Variants in CDH10 observed in about 807,000 individuals in gnomAD.
CDH10 encodes the protein cadherin 10.
In CDH10, 30 loss-of-function variants were observed where a neutral mutation model predicts 73.1. The observed-to-expected ratio is 0.41, with a 90% CI of 0.31 to 0.56. The LOEUF is 0.56. Ranked by LOEUF, CDH10 falls within the 20% of genes least tolerant of loss-of-function variation. The pLI, the probability that CDH10 is intolerant of heterozygous loss-of-function variation, is 0.27. For missense variants in CDH10, 815 were observed against 973.7 expected, an observed-to-expected ratio of 0.84 and a Z score of 2.17; for synonymous variants, 345 against 348.2, an observed-to-expected ratio of 0.99 and a Z score of 0.10.
rs1745797181 is a variant in CDH10 at position 24,581,489 on chromosome 5, T to C, written c.231+11771A>G. 2.6e-5 allele frequency among the ~76,000 whole-genome samples: 4 copies of C among 152,320 alleles called. No individual in the cohort carries two copies. The South Asian group carries it at 8.3e-4, about 32-fold the overall frequency. On this transcript the variant is annotated intron_variant, in intron 2 of 11. Coordinates refer to ENST00000264463, the MANE Select transcript of CDH10 (RefSeq NM_006727.5). Reference sequence around the variant, plus strand: ...TTGTAACAACTATAAGAATAATATGTCTCACATTTATTTTGAATTTCCTGT... The same window carrying C: ...TTGTAACAACTATAAGAATAATATGCCTCACATTTATTTTGAATTTCCTGT...
At chr5:24,531,113 A>G (rs1446266046) in intron 5 of CDH10, among the ~76,000 whole-genome samples, 1 of 151,754 alleles carries the variant, frequency 6.6e-6, no homozygotes, top group Non-Finnish European at 1.5e-5. Flanking sequence ...TGCTTAGTGG[A>G]TTTCTCCCTC....
At chr5:24,509,863 G>C (rs2111755622) in intron 6 of CDH10, 44 bp from the exon 7 acceptor site, 1 of 1,491,642 alleles carries the variant, frequency 6.7e-7, no homozygotes, top group Non-Finnish European at 9.2e-7. Flanking sequence ...AGGGAAATTG[G>C]ATGATATGCT....
chr5:24,492,964 T>C (rs762523979), intron 9 of CDH10, 39 bp from the exon 10 acceptor site: 7 of 815,502 alleles, frequency 8.6e-6, no homozygotes, highest in Non-Finnish European at 1.5e-5. Context: ...AATATATCTC[T>C]TATCCATGGG....
At chr5:24,628,560 A>G (rs1481929491) in intron 1 of CDH10, among the ~76,000 whole-genome samples, 1 of 152,140 alleles carries the variant, frequency 6.6e-6, no homozygotes, top group Non-Finnish European at 1.5e-5. Flanking sequence ...ACCAACAGCC[A>G]TGCATGTAAA....
chr5:24,603,519 A>T (rs546825814), intron 1 of CDH10, among the ~76,000 whole-genome samples: 2 of 152,318 alleles, frequency 1.3e-5, no homozygotes, highest in South Asian at 4.1e-4. Context: ...TTGGCTCAAC[A>T]TTCAAATGCC....
At chr5:24,562,730 AC>A (rs1745004313) in intron 2 of CDH10, among the ~76,000 whole-genome samples, 2 of 152,284 alleles carry the variant, frequency 1.3e-5, no homozygotes, top group East Asian at 3.9e-4. Context: ...CTTCCACGTA[AC>A]CTAACACTAG....
At chr5:24,549,188 A>G (rs1306621910) in intron 2 of CDH10, among the ~76,000 whole-genome samples, 5 of 152,192 alleles carry the variant, frequency 3.3e-5, no homozygotes, top group African/African-American at 4.8e-5. Flanking sequence ...AACGAAAATT[A>G]CATAAGGTCA....
intron 2 of CDH10, among the ~76,000 whole-genome samples, chr5:24,545,738 G>A (rs1228742898): frequency 1.3e-5 from 2 of 151,792 alleles, no homozygotes; most frequent in Non-Finnish European, 2.9e-5. Flanking sequence ...AGGATTGCTC[G>A]AGCCCGTGCA....
intron 5 of CDH10, among the ~76,000 whole-genome samples, chr5:24,529,118 C>A (rs1056476852): frequency 6.6e-6 from 1 of 151,940 alleles, no homozygotes; most frequent in Admixed American, 6.6e-5. Flanking sequence ...ATGCCTAATA[C>A]TATTATTTTT....
rs1742116702 is a variant in CDH10, at chr5:24,492,943, T to TA, written c.1516-19dup. The TA allele has an allele frequency of 1.1e-6, 1 of 938,150 alleles. No homozygotes were observed. The highest frequency in any genetic ancestry group is 1.6e-5 in the African/African-American group (1 of 61,844). 58.1% of individuals were successfully genotyped at this position (938,150 alleles called of 1,614,324 possible). On this transcript the variant is annotated intron_variant, in intron 9 of 11. Coordinates refer to ENST00000264463, the MANE Select transcript of CDH10 (RefSeq NM_006727.5). ...TGTATTAGCTGCAGAAAAAGAAAAA[T>TA]ATATCTCATCAATATATCTCTTATC...
intron 2 of CDH10, among the ~76,000 whole-genome samples, chr5:24,547,737 G>A (rs1190853139): frequency 6.6e-6 from 1 of 152,136 alleles, no homozygotes; most frequent in Non-Finnish European, 1.5e-5. Flanking sequence ...CAGAGATTAT[G>A]GAATTGAACT....
At chr5:24,590,823 C>T (rs1354848795) in intron 2 of CDH10, among the ~76,000 whole-genome samples, 2 of 152,050 alleles carry the variant, frequency 1.3e-5, no homozygotes, top group Non-Finnish European at 2.9e-5. Flanking sequence ...TTCCCCACTA[C>T]AGAGAGATAC....
intron 1 of CDH10, among the ~76,000 whole-genome samples, chr5:24,598,552 AG>A (rs1373816951): frequency 6.6e-6 from 1 of 151,578 alleles, no homozygotes; most frequent in Non-Finnish European, 1.5e-5. Context: ...AAAAAAAAAA[AG>A]GTGGACCATT....
chr5:24,596,083 A>G (rs1457318293), intron 1 of CDH10, among the ~76,000 whole-genome samples: 2 of 152,000 alleles, frequency 1.3e-5, no homozygotes, highest in Non-Finnish European at 2.9e-5. Flanking sequence ...AAACATTTTG[A>G]ACAATGACAC....
intron 1 of CDH10, chr5:24,612,438 T>C (rs1746982331): frequency 6.6e-6 from 1 of 152,236 alleles, no homozygotes; most frequent in Non-Finnish European, 1.5e-5. Context: ...CTCACAGATA[T>C]ACTTCTTTTC....
intron 5 of CDH10, among the ~76,000 whole-genome samples, chr5:24,516,030 C>T (rs1383554735): frequency 1.3e-5 from 2 of 152,158 alleles, no homozygotes; most frequent in Non-Finnish European, 2.9e-5. Context: ...TTATAAATTA[C>T]CCAGTCTTGG....
At chr5:24,584,622 C>T (rs999167066) in intron 2 of CDH10, among the ~76,000 whole-genome samples, 1 of 151,626 alleles carries the variant, frequency 6.6e-6, no homozygotes, top group Admixed American at 6.6e-5. Context: ...AGGCACGTGC[C>T]ACCACGTCTG....
intron 1 of CDH10, among the ~76,000 whole-genome samples, chr5:24,621,980 G>A (rs1440067415): frequency 2.0e-5 from 3 of 152,198 alleles, no homozygotes; most frequent in African/African-American, 7.2e-5. Context: ...GAAAGAAGAT[G>A]AGGTTAGAGA....
chr5:24,556,345 C>T (rs536432403), intron 2 of CDH10, among the ~76,000 whole-genome samples: 2 of 152,078 alleles, frequency 1.3e-5, no homozygotes, highest in African/African-American at 4.8e-5. Context: ...GGAAGCTTAA[C>T]TTTAAAAAAC....
Sources: allele counts gnomAD v4.1 joint callset (sites outside exome capture counted in the v4.1 genomes callset), GRCh38; gene constraint gnomAD v4.1.1; transcripts MANE v1.5; gene names NCBI Gene and HGNC (gene_info 2026-07-23, HGNC 2026-07-21).